The following ITGBL1 variants were observed in gnomAD, a reference collection of about 807,000 sequenced individuals.
ITGBL1 encodes integrin beta-like protein 1.
In ITGBL1, 51 loss-of-function variants were observed where a neutral mutation model predicts 68.5. The observed-to-expected ratio is 0.74, with a 90% CI of 0.59 to 0.94. The LOEUF (loss-of-function observed/expected upper bound fraction) is 0.94. Among genes scored for constraint, ITGBL1 ranks in the 40% least tolerant of loss-of-function variants. ITGBL1 has a pLI of 0.00. For missense variants in ITGBL1, 649 were observed against 647.4 expected, an observed-to-expected ratio of 1.00 and a Z score of -0.03; for synonymous variants, 209 against 227.3, an observed-to-expected ratio of 0.92 and a Z score of 0.72.
intron 3 of ITGBL1, among the ~76,000 whole-genome samples, chr13:101,574,332 C>G (rs2050320561): frequency 6.6e-6 from 1 of 152,120 alleles, no homozygotes; most frequent in South Asian, 2.1e-4. Flanking sequence ...AAGTAAGCCT[C>G]TTCACCATCT....
intron 7 of ITGBL1, among the ~76,000 whole-genome samples, chr13:101,610,020 A>C (rs2031049752): frequency 6.6e-6 from 1 of 152,192 alleles, no homozygotes; most frequent in Admixed American, 6.6e-5. Context: ...GTATTGTCAA[A>C]ATGTATTTGA....
rs2034342837 is a variant in ITGBL1 at position 101,709,281 on chromosome 13, C to T, written c.1279+2379C>T. ...TCGGGAGGCTGAGGCAGGAGAATGG[C>T]GTGAACCCGGGAAGCGGAGCTTGCA... On this transcript the variant is annotated intron_variant, in intron 9 of 10. Transcript: ENST00000376180. 2.8e-5 allele frequency among the ~76,000 whole-genome samples: 4 copies of T among 142,132 alleles called. No homozygotes were observed. The South Asian group carries it at 7.0e-4, about 25-fold the overall frequency. 93.2% of individuals were successfully genotyped at this position (142,132 alleles called of 152,430 possible).
intron 2 of ITGBL1, among the ~76,000 whole-genome samples, chr13:101,498,921 T>C (rs1400449708): frequency 6.6e-6 from 1 of 152,142 alleles, no homozygotes. Flanking sequence ...TACATGGCAG[T>C]GGGCAAGGAA....
chr13:101,547,990 A>T (rs964124540), intron 2 of ITGBL1, among the ~76,000 whole-genome samples: 6 of 151,778 alleles, frequency 4.0e-5, no homozygotes, highest in African/African-American at 1.4e-4. Context: ...GCAAACTCTA[A>T]AAAGGTTTAT....
At chr13:101,544,873 C>T (rs762153884) in intron 2 of ITGBL1, among the ~76,000 whole-genome samples, 15 of 152,242 alleles carry the variant, frequency 9.9e-5, no homozygotes, top group Non-Finnish European at 1.5e-4. Flanking sequence ...ATATAATCTC[C>T]TGGTGTGCCG....
At chr13:101,625,100 T>C (rs1335154088) in intron 7 of ITGBL1, among the ~76,000 whole-genome samples, 1 of 152,156 alleles carries the variant, frequency 6.6e-6, no homozygotes, top group Non-Finnish European at 1.5e-5. Flanking sequence ...AGTGATGCAA[T>C]TGCAACTCTT....
At chr13:101,679,408 A>C (rs576657210) in intron 7 of ITGBL1, among the ~76,000 whole-genome samples, 2 of 152,202 alleles carry the variant, frequency 1.3e-5, no homozygotes, top group Admixed American at 1.3e-4. Context: ...CCAGTATTTC[A>C]TAGGACTTAT....
intron 9 of ITGBL1, chr13:101,714,126 A>G (rs1348934850): frequency 2.5e-5 from 6 of 244,212 alleles, no homozygotes; most frequent in Non-Finnish European, 4.7e-5. Context: ...CTATTTTTGA[A>G]TACTTTTTTG....
At chr13:101,626,077 C>T (rs576377347) in intron 7 of ITGBL1, among the ~76,000 whole-genome samples, 3 of 152,106 alleles carry the variant, frequency 2.0e-5, no homozygotes, top group Non-Finnish European at 2.9e-5. Context: ...AACCATTGTA[C>T]CTTTGCTATT....
chr13:101,701,590 T>C (rs919381487), intron 8 of ITGBL1, among the ~76,000 whole-genome samples: 1 of 152,052 alleles, frequency 6.6e-6, no homozygotes, highest in Non-Finnish European at 1.5e-5. Context: ...TTGCATAACA[T>C]TTTATATTAT....
intron 2 of ITGBL1, among the ~76,000 whole-genome samples, chr13:101,512,869 T>C (rs1445004436): frequency 6.6e-6 from 1 of 152,174 alleles, no homozygotes; most frequent in Non-Finnish European, 1.5e-5. Flanking sequence ...TAAAGATTGC[T>C]TGGGTGTTTC....
chr13:101,695,172 G>T (rs147157133), intron 8 of ITGBL1, among the ~76,000 whole-genome samples: 1 of 152,298 alleles, frequency 6.6e-6, no homozygotes, highest in Non-Finnish European at 1.5e-5. Flanking sequence ...TTCATATCTG[G>T]ATAACAACTA....
chr13:101,606,465 A>C (rs978472226), intron 7 of ITGBL1, among the ~76,000 whole-genome samples: 2 of 151,812 alleles, frequency 1.3e-5, no homozygotes, highest in Admixed American at 1.3e-4. Flanking sequence ...GTGGGAAAAC[A>C]CTTTCTCTAG....
At chr13:101,455,724 G>A (rs996151327) in intron 2 of ITGBL1, among the ~76,000 whole-genome samples, 3 of 151,996 alleles carry the variant, frequency 2.0e-5, no homozygotes, top group East Asian at 1.9e-4. Flanking sequence ...ATTTAACTTC[G>A]CAGTCCTACA....
chr13:101,630,894 C>T (rs548101667), intron 7 of ITGBL1, among the ~76,000 whole-genome samples: 24 of 152,258 alleles, frequency 1.6e-4, no homozygotes, highest in African/African-American at 5.1e-4. Context: ...TTACTGCAAT[C>T]AGTAAAGATA....
At chr13:101,583,632 C>G (rs2050502390) in intron 6 of ITGBL1, among the ~76,000 whole-genome samples, 1 of 152,084 alleles carries the variant, frequency 6.6e-6, no homozygotes, top group African/African-American at 2.4e-5. Context: ...CAAAACATCC[C>G]ATGTACCCCA....
At chr13:101,567,907 A>T (rs1566735393) in intron 3 of ITGBL1, 62 bp downstream of exon 3, 1 of 1,357,122 alleles carries the variant, frequency 7.4e-7, no homozygotes, top group East Asian at 2.4e-5. Flanking sequence ...TTTAATGGAA[A>T]TATGTGGGCG....
At position 101,547,488 on chromosome 13, in the gene ITGBL1, T is replaced by A. The variant is rs531175866; in HGVS notation, c.317-20211T>A. 2.8e-4 allele frequency among the ~76,000 whole-genome samples: 42 copies of A among 151,950 alleles called. 1 individual carries two copies. The South Asian group carries it at 8.5e-3, about 31-fold the overall frequency. On this transcript the variant is annotated intron_variant, in intron 2 of 10. Transcript: ENST00000376180. The stretch of plus-strand genomic sequence containing the variant: ...TTTCCTTAACACCTCTTTGGAAGTA[T>A]ACAAAAAGAGTGTTGCAAATAAAAA...
rs201081681 is a variant in ITGBL1 at position 101,465,600 on chromosome 13, G to GA, written c.316+11502dup. Among the ~76,000 whole-genome samples the GA allele has an allele frequency of 8.1e-3, 1,241 of 152,342 alleles. 12 individuals are homozygous for GA. The highest frequency in any genetic ancestry group is 0.013 in the Non-Finnish European group (856 of 68,016). ...CCGGTTTTAAGACCCTCTGCCTTAA[G>GA]AAGCAGCTTGCATCAGTGGAAAGAT... On this transcript the variant is annotated intron_variant, in intron 2 of 10. Transcript: ENST00000376180.
Sources: allele counts gnomAD v4.1 joint callset (sites outside exome capture counted in the v4.1 genomes callset), GRCh38; gene constraint gnomAD v4.1.1; transcripts MANE v1.5; gene names NCBI Gene and HGNC (gene_info 2026-07-23, HGNC 2026-07-21).